Variants in SEMA4D observed in about 807,000 individuals in gnomAD.
SEMA4D encodes semaphorin-4D.
In SEMA4D, 22 loss-of-function variants were observed where a neutral mutation model predicts 74.8. That is an observed-to-expected ratio of 0.29 (90% confidence interval 0.21 to 0.42). SEMA4D has a LOEUF of 0.42. Ranked by LOEUF, SEMA4D falls within the 10% of genes least tolerant of loss-of-function variation. SEMA4D has a pLI of 1.00. For synonymous variants in SEMA4D, 445 were observed against 463.7 expected, an observed-to-expected ratio of 0.96 and a Z score of 0.52; for missense variants, 937 against 1,118.4, an observed-to-expected ratio of 0.84 and a Z score of 2.31.
rs1339343325 is a variant in SEMA4D at position 89,366,170 on chromosome 9, ATATC to A, written c.1883-2224_1883-2221del. Reference sequence around the variant, plus strand: ...GCAACACAGAAAAATAAGTGAAACAATATCTAGGAATGTGTGCATATATGTACAC... The same window carrying A: ...GCAACACAGAAAAATAAGTGAAACAATAGGAATGTGTGCATATATGTACAC... On this transcript the variant is annotated intron_variant, in intron 16 of 18. Transcript: ENST00000339861. Among the ~76,000 whole-genome samples, 17 of 152,252 alleles carry A rather than the reference ATATC, an allele frequency of 1.1e-4. No homozygotes were observed. The South Asian group carries it at 1.4e-3, about 13-fold the overall frequency.
chr9:89,386,901 G>A (rs923881419), intron 12 of SEMA4D, among the ~76,000 whole-genome samples: 1 of 152,140 alleles, frequency 6.6e-6, no homozygotes. Context: ...GCCACAATGC[G>A]CTGCCAGCCA....
chr9:89,453,632 G>A (rs948297283), intron 2 of SEMA4D, among the ~76,000 whole-genome samples: 2 of 152,128 alleles, frequency 1.3e-5, no homozygotes, highest in South Asian at 2.1e-4. Flanking sequence ...CGCGGCCCTC[G>A]CTGGGTGGAC....
chr9:89,412,219 C>G (rs1261227847), intron 2 of SEMA4D, among the ~76,000 whole-genome samples: 1 of 152,176 alleles, frequency 6.6e-6, no homozygotes, highest in African/African-American at 2.4e-5. Flanking sequence ...CCGGAGAGGA[C>G]AAAGGTAAGG....
At chr9:89,480,680 C>T (rs935265370) in intron 1 of SEMA4D, among the ~76,000 whole-genome samples, 1 of 152,206 alleles carries the variant, frequency 6.6e-6, no homozygotes, top group South Asian at 2.1e-4. Flanking sequence ...CCCCCATTGC[C>T]CGGGGCCAGA....
chr9:89,416,548 C>T (rs139300695), intron 2 of SEMA4D, among the ~76,000 whole-genome samples: 221 of 152,272 alleles, frequency 1.5e-3, no homozygotes, highest in African/African-American at 5.0e-3. Flanking sequence ...CACACAGGGA[C>T]ATGCACAAAC....
At chr9:89,415,435 A>G (rs1438922233) in intron 2 of SEMA4D, among the ~76,000 whole-genome samples, 1 of 152,142 alleles carries the variant, frequency 6.6e-6, no homozygotes, top group African/African-American at 2.4e-5. Context: ...AGGTGATACT[A>G]TGGTCTGAAT....
downstream of SEMA4D, chr9:89,377,125 G>C: frequency 1.4e-6 from 2 of 1,463,494 alleles, no homozygotes; most frequent in South Asian, 1.4e-5. Flanking sequence ...AGGCCAGAGA[G>C]GGCAAAACAC....
Position 89,363,740 on chromosome 9 carries a change from C to T in SEMA4D, c.2092+1G>A. The T allele has an allele frequency of 6.2e-7, 1 of 1,611,528 alleles. No individual in the cohort carries two copies. The highest frequency in any genetic ancestry group is 8.5e-7 in the Non-Finnish European group (1 of 1,179,378). ...TAACAGTGGGCATGGGAATCACTTA[C>T]CAGGTCTCATCACAGCAACCTGCAC... On this transcript the variant is annotated splice_donor_variant, in intron 17 of 18. Transcript: ENST00000339861. LOFTEE classifies it high-confidence loss of function.
downstream of SEMA4D, chr9:89,376,660 C>T (rs1040363990): frequency 2.1e-5 from 20 of 955,678 alleles, no homozygotes; most frequent in Admixed American, 3.0e-5. Context: ...CAGTTTCCCT[C>T]GGGATGGACC....
intron 1 of SEMA4D, chr9:89,479,922 C>A (rs1862782233): frequency 6.6e-6 from 1 of 152,288 alleles, no homozygotes; most frequent in African/African-American, 2.4e-5. Context: ...CTTTTATTCT[C>A]TTATCTGGCC....
At chr9:89,413,626 T>C (rs761986012) in intron 2 of SEMA4D, among the ~76,000 whole-genome samples, 3 of 152,254 alleles carry the variant, frequency 2.0e-5, no homozygotes, top group Non-Finnish European at 4.4e-5. Flanking sequence ...TGTGTATGTC[T>C]GTGTGCATAC....
chr9:89,486,699 A>C (rs1287494832), intron 1 of SEMA4D, among the ~76,000 whole-genome samples: 1 of 152,204 alleles, frequency 6.6e-6, no homozygotes, highest in East Asian at 1.9e-4. Context: ...TGAGGTTAGG[A>C]ATTCAAGGCC....
rs28377168 is a variant in SEMA4D at position 89,391,360 on chromosome 9, G to A, written c.678C>T (p.Gly226=). ...AGAAGAAGTAGACCCTGTCATCCTC[G>A]CCGTCGGGGCTGTCTGGGCTTTTTC... The part of the protein sequence containing the change: ...VIRKSPDSPD[G]EDDRVYFFFT... Residue 226 remains glycine (G), a synonymous_variant, in exon 9 of 16, where the codon GGC becomes GGT. Transcript: ENST00000422704. 0.024 allele frequency: 38,611 copies of A among 1,614,138 alleles called. 2,791 individuals are homozygous for A. The highest frequency in any genetic ancestry group is 0.18 in the African/African-American group (13,354 of 75,018).
At chr9:89,371,922 T>C in intron 16 of SEMA4D, among the ~76,000 whole-genome samples, 1 of 139,146 alleles carries the variant, frequency 7.2e-6, no homozygotes, top group Non-Finnish European at 1.6e-5. Context: ...GTGTGTGGGG[T>C]GTGGTGTGTG....
chr9:89,432,556 G>A (rs1041671423), intron 2 of SEMA4D, among the ~76,000 whole-genome samples: 4 of 152,210 alleles, frequency 2.6e-5, no homozygotes, highest in African/African-American at 7.2e-5. Context: ...GGCACACCCC[G>A]TGGGGATTTG....
intron 1 of SEMA4D, among the ~76,000 whole-genome samples, chr9:89,464,586 G>A (rs550400862): frequency 1.3e-5 from 2 of 152,326 alleles, no homozygotes; most frequent in East Asian, 1.9e-4. Context: ...CAAGATCATG[G>A]GAACAAAGAA....
At chr9:89,405,736 GT>G (rs1843180992) in intron 2 of SEMA4D, 37 bp from the exon 3 acceptor site, 1 of 1,391,930 alleles carries the variant, frequency 7.2e-7, no homozygotes, top group African/African-American at 1.5e-5. Context: ...AGGACCCATG[GT>G]GAGTGATGAC....
chr9:89,416,415 G>A (rs928239614), intron 2 of SEMA4D, among the ~76,000 whole-genome samples: 4 of 152,046 alleles, frequency 2.6e-5, no homozygotes, highest in African/African-American at 9.7e-5. Flanking sequence ...TGGTCTACAC[G>A]AACTGCCTGT....
chr9:89,381,140 G>GGGAC lies in SEMA4D; in HGVS notation c.1619+30_1619+33dup, dbSNP rs1345942490. On this transcript the variant is annotated intron_variant, in intron 14 of 15. Coordinates refer to ENST00000422704, the MANE Select transcript of SEMA4D (RefSeq NM_001371194.2). The surrounding 1 kb of genome is among the most constrained non-coding windows in gnomAD (Gnocchi z 4.6). ...ACGTGTTATTCACCCACACACATGG[G>GGGAC]GGACATCCCCAGGCAGCGCATCCCG... 1 of 1,614,094 alleles carries GGGAC rather than the reference G, an allele frequency of 6.2e-7. No individual in the cohort carries two copies. Among genetic ancestry groups the GGGAC allele is most frequent in the South Asian group, 1.1e-5 (1 of 91,084 alleles).
Sources: allele counts gnomAD v4.1 joint callset (sites outside exome capture counted in the v4.1 genomes callset), GRCh38; gene constraint gnomAD v4.1.1; non-coding constraint Gnocchi (gnomAD v3.1); transcripts MANE v1.5; gene names NCBI Gene and HGNC (gene_info 2026-07-23, HGNC 2026-07-21).